The following DNM3 variants were observed in gnomAD, a reference collection of about 807,000 sequenced individuals.
DNM3 encodes the protein dynamin 3, also known as dynamin-3.
DNM3 carries 47 observed loss-of-function variants against 101.6 expected under a neutral mutation model. The observed-to-expected ratio is 0.46, with a 90% CI of 0.37 to 0.59. DNM3 has a LOEUF of 0.59. Ranked by LOEUF, DNM3 falls within the 20% of genes least tolerant of loss-of-function variation. The pLI is 0.00. For missense variants in DNM3, 849 were observed against 1,085.7 expected (o/e 0.78, Z 3.06); for synonymous variants, 385 against 387.9 (o/e 0.99, Z 0.09).
At position 172,092,602 on chromosome 1, in the gene DNM3, G is replaced by T. The variant is rs574932438; in HGVS notation, c.1494-222G>T. 4.6e-5 allele frequency among the ~76,000 whole-genome samples: 7 copies of T among 152,072 alleles called. No individual in the cohort carries two copies. In the South Asian group the frequency reaches 1.5e-3, roughly 32 times the overall value. On this transcript the variant is annotated intron_variant, in intron 12 of 20. Coordinates refer to ENST00000627582, the MANE Select transcript of DNM3 (RefSeq NM_015569.5). ...TTACAATGCAGCTTTTCTTTAAGTG[G>T]TGTTATTATATTTTTGGTTTATATG... is the stretch of plus-strand genomic sequence containing the variant.
intron 10 of DNM3, among the ~76,000 whole-genome samples, chr1:172,050,800 C>A (rs1338682808): frequency 6.6e-6 from 1 of 152,162 alleles, no homozygotes; most frequent in Non-Finnish European, 1.5e-5. Flanking sequence ...GAGAACAGAT[C>A]TTGGCCTTAC....
intron 4 of DNM3, among the ~76,000 whole-genome samples, chr1:172,009,802 G>A (rs942381816): frequency 2.0e-5 from 3 of 151,000 alleles, no homozygotes; most frequent in Admixed American, 6.6e-5. Flanking sequence ...AATGTATAAC[G>A]GTAGAAGTAC....
intron 14 of DNM3, among the ~76,000 whole-genome samples, chr1:172,214,139 A>G (rs1482282708): frequency 1.3e-5 from 2 of 152,084 alleles, no homozygotes; most frequent in Non-Finnish European, 2.9e-5. Flanking sequence ...CATTTTTTCT[A>G]TTCTTCATTT....
chr1:171,983,945 ATCCCATCCCT>A (rs2045034969), intron 2 of DNM3, among the ~76,000 whole-genome samples: 1 of 151,980 alleles, frequency 6.6e-6, no homozygotes, highest in African/African-American at 2.4e-5. Flanking sequence ...ATCCCATCCC[ATCCCATCCCT>A]TCTCATCCTC....
intron 11 of DNM3, among the ~76,000 whole-genome samples, chr1:172,074,432 A>G (rs1303505519): frequency 2.0e-5 from 3 of 152,074 alleles, no homozygotes; most frequent in South Asian, 4.1e-4. Context: ...TGTTGTCTAT[A>G]TTAGGTATTT....
intron 14 of DNM3, among the ~76,000 whole-genome samples, chr1:172,240,455 A>C (rs528371089): frequency 6.6e-6 from 1 of 152,314 alleles, no homozygotes; most frequent in African/African-American, 2.4e-5. Context: ...TTATTTGTAC[A>C]GTGATTTTCT....
At chr1:172,303,608 A>T (rs544899796) in intron 15 of DNM3, among the ~76,000 whole-genome samples, 1 of 152,322 alleles carries the variant, frequency 6.6e-6, no homozygotes, top group African/African-American at 2.4e-5. Context: ...TAAAGGAAAA[A>T]ATGTTAAGGG....
At chr1:172,354,265 C>G (rs1361809118) in intron 17 of DNM3, among the ~76,000 whole-genome samples, 1 of 152,062 alleles carries the variant, frequency 6.6e-6, no homozygotes, top group Non-Finnish European at 1.5e-5. Context: ...CGCAGACACT[C>G]TGAAGGATGA....
intron 10 of DNM3, among the ~76,000 whole-genome samples, chr1:172,066,026 T>C (rs2051629261): frequency 6.6e-6 from 1 of 152,144 alleles, no homozygotes; most frequent in Non-Finnish European, 1.5e-5. Context: ...ATAAAGGTAA[T>C]GTGCACAGTG....
At chr1:171,934,783 AG>A in intron 2 of DNM3, among the ~76,000 whole-genome samples, 1 of 152,286 alleles carries the variant, frequency 6.6e-6, no homozygotes, top group Middle Eastern at 3.4e-3. Context: ...AACCCTAGAA[AG>A]TCTTATAAAG....
intron 20 of DNM3, among the ~76,000 whole-genome samples, chr1:172,403,122 G>GA (rs2070627744): frequency 6.6e-6 from 1 of 152,104 alleles, no homozygotes; most frequent in Non-Finnish European, 1.5e-5. Flanking sequence ...CTGCCCAATA[G>GA]AAAAAATTCT....
intron 10 of DNM3, 58 bp downstream of exon 10, chr1:172,048,808 T>C (rs1322912954): frequency 2.2e-5 from 34 of 1,564,364 alleles, no homozygotes; most frequent in Non-Finnish European, 2.6e-5. Context: ...ACATTCCCTA[T>C]CTCATTGCAT....
chr1:172,074,991 T>C (rs1441727088), intron 11 of DNM3, among the ~76,000 whole-genome samples: 1 of 152,250 alleles, frequency 6.6e-6, no homozygotes, highest in African/African-American at 2.4e-5. Context: ...TTTCCTGACT[T>C]TTTAATGATT....
At chr1:172,112,116 A>G (rs965258392) in intron 13 of DNM3, among the ~76,000 whole-genome samples, 3 of 152,246 alleles carry the variant, frequency 2.0e-5, no homozygotes, top group African/African-American at 7.2e-5. Context: ...ATAACCTTGC[A>G]GAGCATATAC....
intron 2 of DNM3, among the ~76,000 whole-genome samples, chr1:171,955,608 C>T (rs1366073024): frequency 6.6e-6 from 1 of 152,162 alleles, no homozygotes; most frequent in Non-Finnish European, 1.5e-5. Flanking sequence ...ATAACTATAA[C>T]CATGTCTATT....
intron 20 of DNM3, among the ~76,000 whole-genome samples, chr1:172,391,739 C>T (rs1040813687): frequency 1.3e-5 from 2 of 151,436 alleles, no homozygotes; most frequent in African/African-American, 4.9e-5. Context: ...TTTTTACTTT[C>T]TTAAGGGTCC....
chr1:171,916,732 C>T (rs2039742685), intron 1 of DNM3, among the ~76,000 whole-genome samples: 1 of 152,202 alleles, frequency 6.6e-6, no homozygotes, highest in Admixed American at 6.5e-5. Context: ...AATCTGATCA[C>T]TTAAAACTCT....
chr1:172,304,356 A>AC lies in DNM3; in HGVS notation c.1770-4369dup, dbSNP rs567004283. ...AGCTAACTATCCTAAATATATATGC[A>AC]CCCAATACAGGAGCACCCAGATTCA... On this transcript the variant is annotated intron_variant, in intron 15 of 20. Transcript: ENST00000627582. Among the ~76,000 whole-genome samples the AC allele has an allele frequency of 2.7e-3, 414 of 152,148 alleles. 1 individual carries two copies. Among genetic ancestry groups the AC allele is most frequent in the African/African-American group, 9.4e-3 (388 of 41,472 alleles).
intron 1 of DNM3, 54 bp from the exon 2 acceptor site, chr1:171,921,694 T>C: frequency 6.9e-7 from 1 of 1,449,402 alleles, no homozygotes; most frequent in Non-Finnish European, 9.5e-7. Context: ...TTTATGAATG[T>C]ACAGGTGATA....
Sources: allele counts gnomAD v4.1 joint callset (sites outside exome capture counted in the v4.1 genomes callset), GRCh38; gene constraint gnomAD v4.1.1; transcripts MANE v1.5; gene names NCBI Gene and HGNC (gene_info 2026-07-23, HGNC 2026-07-21).